Variants in SCHIP1 observed in about 807,000 individuals in gnomAD.
SCHIP1 encodes the protein schwannomin interacting protein 1.
SCHIP1 carries 8 observed loss-of-function variants against 29.7 expected under a neutral mutation model. The observed-to-expected ratio is 0.27, with a 90% CI of 0.16 to 0.49. The LOEUF (loss-of-function observed/expected upper bound fraction) is 0.49. Among genes scored for constraint, SCHIP1 ranks in the 20% least tolerant of loss-of-function variants. The pLI is 0.99. For synonymous variants in SCHIP1, 76 were observed against 94.9 expected, an observed-to-expected ratio of 0.80 and a Z score of 1.16; for missense variants, 193 against 294.6, an observed-to-expected ratio of 0.66 and a Z score of 2.52.
At chr3:159,704,417 T>TAAAAAAAAA in the SCHIP1 span, among the ~76,000 whole-genome samples, 47 of 92,636 alleles carry the variant, frequency 5.1e-4, no homozygotes, top group African/African-American at 1.9e-3. Context: ...CAATTTTTTC[T>TAAAAAAAAA]AAAAAAAAAA....
the SCHIP1 span, among the ~76,000 whole-genome samples, chr3:159,645,008 A>ACAAG: frequency 6.6e-6 from 1 of 152,290 alleles, no homozygotes; most frequent in Admixed American, 6.5e-5. Flanking sequence ...ACACAGCTAT[A>ACAAG]CAAGCATCCC....
the SCHIP1 span, among the ~76,000 whole-genome samples, chr3:159,542,690 G>A: frequency 1.3e-5 from 2 of 152,074 alleles, no homozygotes; most frequent in East Asian, 1.9e-4. Context: ...TCAGCATGAG[G>A]CATGATGGGA....
the SCHIP1 span, among the ~76,000 whole-genome samples, chr3:159,301,664 T>C: frequency 6.6e-5 from 10 of 152,178 alleles, no homozygotes; most frequent in Non-Finnish European, 1.2e-4. Context: ...TCTGATGGTT[T>C]AAAAGTGTGG....
At chr3:159,606,120 T>C in the SCHIP1 span, among the ~76,000 whole-genome samples, 1 of 152,176 alleles carries the variant, frequency 6.6e-6, no homozygotes, top group African/African-American at 2.4e-5. Flanking sequence ...CAAATGTCTT[T>C]CTGGGGGAAT....
the SCHIP1 span, among the ~76,000 whole-genome samples, chr3:159,374,574 A>C: frequency 6.6e-6 from 1 of 152,184 alleles, no homozygotes; most frequent in African/African-American, 2.4e-5. Flanking sequence ...GAGACATGAC[A>C]AAATCAATTC....
the SCHIP1 span, among the ~76,000 whole-genome samples, chr3:159,533,410 G>T: frequency 1.3e-5 from 2 of 152,152 alleles, no homozygotes; most frequent in African/African-American, 4.8e-5. Context: ...ACCCTGCAGG[G>T]TTGGCAGTGT....
the SCHIP1 span, chr3:159,273,717 A>T: frequency 6.6e-7 from 1 of 1,520,634 alleles, no homozygotes. Flanking sequence ...TTTTTTAGAC[A>T]ACCTTACTAG....
chr3:159,664,515 G>A, the SCHIP1 span, among the ~76,000 whole-genome samples: 691 of 151,978 alleles, frequency 4.5e-3, 2 homozygotes, highest in Middle Eastern at 0.014. Flanking sequence ...ATAAAAAAAT[G>A]TTGTAAAAGT....
At chr3:159,513,720 G>A in the SCHIP1 span, among the ~76,000 whole-genome samples, 3 of 152,162 alleles carry the variant, frequency 2.0e-5, no homozygotes, top group Admixed American at 6.5e-5. Flanking sequence ...TCCAGACAAC[G>A]GCACAGAAAG....
chr3:159,479,449 G>A, the SCHIP1 span, among the ~76,000 whole-genome samples: 20 of 152,154 alleles, frequency 1.3e-4, no homozygotes, highest in Non-Finnish European at 2.4e-4. Context: ...ATGTAGAATA[G>A]CCTTTATGTC....
At chr3:159,395,287 T>G in the SCHIP1 span, among the ~76,000 whole-genome samples, 2 of 152,124 alleles carry the variant, frequency 1.3e-5, no homozygotes, top group African/African-American at 2.4e-5. Context: ...GATTCATTAA[T>G]TTTTTGAAGG....
the SCHIP1 span, among the ~76,000 whole-genome samples, chr3:159,281,370 A>C: frequency 2.0e-5 from 3 of 152,214 alleles, no homozygotes; most frequent in Non-Finnish European, 4.4e-5. Context: ...TTGGACAAGA[A>C]TTATTTTCAA....
At chr3:159,437,312 T>C in the SCHIP1 span, among the ~76,000 whole-genome samples, 2 of 152,056 alleles carry the variant, frequency 1.3e-5, no homozygotes, top group Admixed American at 1.3e-4. Flanking sequence ...CCTCCCCCAT[T>C]TTGTCTATCT....
At chr3:159,626,602 C>G in the SCHIP1 span, among the ~76,000 whole-genome samples, 106 of 152,200 alleles carry the variant, frequency 7.0e-4, 1 homozygote, top group Admixed American at 3.3e-4. Context: ...AATTTATCCA[C>G]CAAACAAAGC....
At chr3:159,777,682 C>T in the SCHIP1 span, among the ~76,000 whole-genome samples, 1 of 152,114 alleles carries the variant, frequency 6.6e-6, no homozygotes, top group Non-Finnish European at 1.5e-5. Context: ...ACATATGTGG[C>T]CTCAGCTGTT....
At chr3:159,429,196 A>T in the SCHIP1 span, among the ~76,000 whole-genome samples, 1 of 146,152 alleles carries the variant, frequency 6.8e-6, no homozygotes, top group Non-Finnish European at 1.5e-5. Context: ...AAAGTATAAT[A>T]ATAATAAAAA....
the SCHIP1 span, among the ~76,000 whole-genome samples, chr3:159,638,316 A>G: frequency 5.3e-5 from 8 of 152,180 alleles, no homozygotes; most frequent in African/African-American, 1.9e-4. Flanking sequence ...GAGTTTCCCA[A>G]CACCAGTCAA....
At position 159,882,869 on chromosome 3, in the gene SCHIP1, G is replaced by A. The variant is rs554485210; in HGVS notation, c.150-3338G>A. ...AGACGTGGTTGCTGTGCAGCCTCCC[G>A]ACCAAGTGCCCTCCTGCTCCTGGCC... On this transcript the variant is annotated intron_variant, in intron 2 of 6. Coordinates refer to ENST00000445224, the Ensembl canonical transcript of SCHIP1. 4.3e-4 allele frequency among the ~76,000 whole-genome samples: 65 copies of A among 152,220 alleles called. 1 individual carries two copies. Among genetic ancestry groups the A allele is most frequent in the African/African-American group, 1.5e-3 (61 of 41,518 alleles).
the SCHIP1 span, among the ~76,000 whole-genome samples, chr3:159,429,991 T>G: frequency 1.3e-5 from 2 of 152,190 alleles, no homozygotes; most frequent in African/African-American, 2.4e-5. Flanking sequence ...TTTCTGAACA[T>G]GGGACTGAGC....
Sources: allele counts gnomAD v4.1 joint callset (sites outside exome capture counted in the v4.1 genomes callset), GRCh38; gene constraint gnomAD v4.1.1; transcripts MANE v1.5; gene names NCBI Gene and HGNC (gene_info 2026-07-23, HGNC 2026-07-21).